The following FBXW7 variants were observed in gnomAD, a reference collection of about 807,000 sequenced individuals.
The protein encoded by FBXW7 is F-box and WD repeat domain containing 7.
In FBXW7, 11 loss-of-function variants were observed where a neutral mutation model predicts 86.3. That is an observed-to-expected ratio of 0.13 (90% confidence interval 0.08 to 0.21). The LOEUF (loss-of-function observed/expected upper bound fraction) is 0.21, where lower values mean the gene tolerates loss of function less well. Ranked by LOEUF, FBXW7 falls within the 10% of genes least tolerant of loss-of-function variation. The probability of loss-of-function intolerance (pLI) is 1.00; values close to 1 mark genes in which losing one functional copy is unlikely to be tolerated. For missense variants in FBXW7, 488 were observed against 847.4 expected (o/e 0.58, Z 5.27); for synonymous variants, 313 against 297.9 (o/e 1.05, Z -0.52).
At chr4:152,360,601 A>G (rs1444747829) in intron 4 of FBXW7, among the ~76,000 whole-genome samples, 1 of 151,914 alleles carries the variant, frequency 6.6e-6, no homozygotes, top group Non-Finnish European at 1.5e-5. Flanking sequence ...CCCAGACTCA[A>G]AGCCTCTTTT....
chr4:152,525,124 C>G (rs1050448049), intron 2 of FBXW7, among the ~76,000 whole-genome samples: 1 of 152,208 alleles, frequency 6.6e-6, no homozygotes, highest in Middle Eastern at 3.4e-3. Flanking sequence ...TAATCCAAAT[C>G]GTTACCAATA....
intron 2 of FBXW7, among the ~76,000 whole-genome samples, chr4:152,500,813 T>C (rs539063139): frequency 2.6e-5 from 4 of 152,326 alleles, no homozygotes; most frequent in African/African-American, 7.2e-5. Flanking sequence ...AAATATCACA[T>C]GTACAATTTA....
chr4:152,412,968 T>C (rs554215862), intron 2 of FBXW7, among the ~76,000 whole-genome samples: 2 of 152,256 alleles, frequency 1.3e-5, no homozygotes, highest in African/African-American at 4.8e-5. Flanking sequence ...CATCTTTTCA[T>C]GATATTCATT....
intron 2 of FBXW7, among the ~76,000 whole-genome samples, chr4:152,510,201 A>T (rs1412350057): frequency 6.6e-6 from 1 of 152,228 alleles, no homozygotes. Flanking sequence ...GAGTTAGAAT[A>T]ATAAATGACT....
At chr4:152,330,912 AAC>A (rs768419048) in intron 8 of FBXW7, 44 bp from the exon 9 acceptor site, 3 of 1,581,454 alleles carry the variant, frequency 1.9e-6, no homozygotes, top group Admixed American at 1.7e-5. Context: ...CACCAATAAT[AAC>A]AGTTATACAT....
intron 2 of FBXW7, among the ~76,000 whole-genome samples, chr4:152,505,405 G>A (rs1747325482): frequency 2.0e-5 from 3 of 151,966 alleles, no homozygotes; most frequent in South Asian, 2.1e-4. Context: ...CTTTATGAAC[G>A]TTTTAATTTT....
chr4:152,499,759 T>C (rs1418179718), intron 2 of FBXW7, among the ~76,000 whole-genome samples: 1 of 152,194 alleles, frequency 6.6e-6, no homozygotes, highest in Non-Finnish European at 1.5e-5. Context: ...GGTTTCACCA[T>C]GTTGCCCAGG....
intron 11 of FBXW7, among the ~76,000 whole-genome samples, chr4:152,327,305 T>C (rs1729129526): frequency 6.6e-6 from 1 of 152,050 alleles, no homozygotes. Context: ...TTTTCACATA[T>C]TACAAATCTG....
chr4:152,452,508 T>C (rs1160927228), intron 2 of FBXW7, among the ~76,000 whole-genome samples: 2 of 152,244 alleles, frequency 1.3e-5, no homozygotes, highest in African/African-American at 4.8e-5. Context: ...TTGAGCACAA[T>C]TGTTATCAGC....
At chr4:152,345,498 T>C (rs1370585732) in intron 6 of FBXW7, among the ~76,000 whole-genome samples, 2 of 152,132 alleles carry the variant, frequency 1.3e-5, no homozygotes, top group Non-Finnish European at 1.5e-5. Context: ...TTCTTTGGCA[T>C]GGAGATCGTC....
intron 4 of FBXW7, among the ~76,000 whole-genome samples, chr4:152,365,645 T>C (rs1579003802): frequency 6.6e-6 from 1 of 152,104 alleles, no homozygotes. Context: ...ACTGGGTTAG[T>C]TGGTTGTTTT....
chr4:152,419,806 TA>T (rs1277554653), intron 2 of FBXW7, among the ~76,000 whole-genome samples: 1 of 152,142 alleles, frequency 6.6e-6, no homozygotes, highest in East Asian at 1.9e-4. Context: ...GTAATAGCAT[TA>T]TGTGTAAAAA....
intron 4 of FBXW7, among the ~76,000 whole-genome samples, chr4:152,406,557 A>C (rs34970110): frequency 6.6e-5 from 10 of 152,220 alleles, no homozygotes; most frequent in Middle Eastern, 3.2e-3. Flanking sequence ...TTAGAAATTA[A>C]CCATGAGCTA....
intron 2 of FBXW7, among the ~76,000 whole-genome samples, chr4:152,502,036 C>T (rs1747002627): frequency 6.6e-6 from 1 of 152,142 alleles, no homozygotes; most frequent in South Asian, 2.1e-4. Context: ...GTTCCTATGA[C>T]ATCAGCCTGA....
intron 4 of FBXW7, among the ~76,000 whole-genome samples, chr4:152,386,741 T>G (rs1735556816): frequency 6.6e-6 from 1 of 152,112 alleles, no homozygotes; most frequent in African/African-American, 2.4e-5. Context: ...TTAGGGAACT[T>G]GTAGTAAAGA....
intron 2 of FBXW7, among the ~76,000 whole-genome samples, chr4:152,440,771 C>T (rs1740819613): frequency 6.6e-6 from 1 of 152,026 alleles, no homozygotes; most frequent in African/African-American, 2.4e-5. Context: ...CTAAGCATTC[C>T]CCATCCCACT....
At chr4:152,348,491 C>T (rs533738632) in intron 5 of FBXW7, among the ~76,000 whole-genome samples, 1 of 151,942 alleles carries the variant, frequency 6.6e-6, no homozygotes, top group Non-Finnish European at 1.5e-5. Flanking sequence ...GCTGTTTGGT[C>T]TAATTTTGCT....
chr4:152,464,469 G>T (rs1743231295), intron 2 of FBXW7, among the ~76,000 whole-genome samples: 1 of 152,222 alleles, frequency 6.6e-6, no homozygotes, highest in African/African-American at 2.4e-5. Context: ...GGATAGGACT[G>T]TTCATTTGAG....
chr4:152,390,900 G>C (rs1476545141), intron 4 of FBXW7, among the ~76,000 whole-genome samples: 1 of 151,644 alleles, frequency 6.6e-6, no homozygotes, highest in Admixed American at 6.6e-5. Flanking sequence ...AATGCAGAAG[G>C]CTCAACCAAA....
Sources: gnomAD v4.1 joint callset for allele counts (sites outside exome capture counted in the v4.1 genomes callset) on GRCh38, gnomAD v4.1.1 for gene constraint, MANE v1.5 for transcripts, NCBI Gene and HGNC (gene_info 2026-07-23, HGNC 2026-07-21) for gene names.